TMTC2: variants seen among roughly 807,000 people sequenced by gnomAD.
TMTC2 encodes transmembrane O-mannosyltransferase targeting cadherins 2.
TMTC2 carries 43 observed loss-of-function variants against 82.4 expected under a neutral mutation model. The observed-to-expected ratio is 0.52, with a 90% confidence interval of 0.41 to 0.67. The LOEUF (loss-of-function observed/expected upper bound fraction) is 0.67, where lower values mean the gene tolerates loss of function less well. TMTC2 is among the 30% of genes least tolerant of loss of function. TMTC2 has a pLI of 0.00. For synonymous variants in TMTC2, 408 were observed against 381.9 expected (o/e 1.07, Z -0.80); for missense variants, 919 against 1,012.4 (o/e 0.91, Z 1.25).
intron 8 of TMTC2, among the ~76,000 whole-genome samples, chr12:83,025,711 C>T (rs1881138716): frequency 1.3e-5 from 2 of 152,294 alleles, no homozygotes; most frequent in African/African-American, 4.8e-5. Flanking sequence ...AACTTCTATA[C>T]AACATGACTA....
chr12:82,854,234 T>C (rs1871135299), intron 1 of TMTC2, among the ~76,000 whole-genome samples: 1 of 152,224 alleles, frequency 6.6e-6, no homozygotes, highest in South Asian at 2.1e-4. Context: ...TGTTACTAGT[T>C]AACACTCAAA....
chr12:82,948,878 C>A (rs186448848), intron 4 of TMTC2, among the ~76,000 whole-genome samples: 1 of 150,916 alleles, frequency 6.6e-6, no homozygotes, highest in African/African-American at 2.4e-5. Context: ...TTTTTCTTCC[C>A]TCTGCCTGAA....
At chr12:82,833,328 G>A (rs1248676998) in intron 1 of TMTC2, among the ~76,000 whole-genome samples, 2 of 152,164 alleles carry the variant, frequency 1.3e-5, no homozygotes, top group East Asian at 3.8e-4. Flanking sequence ...CAAGTGTTAA[G>A]AGCCTTATTG....
intron 8 of TMTC2, among the ~76,000 whole-genome samples, chr12:82,987,639 C>G (rs1455772249): frequency 6.6e-6 from 1 of 151,998 alleles, no homozygotes; most frequent in Non-Finnish European, 1.5e-5. Flanking sequence ...TCCTGCAGCT[C>G]ATCTGGGATT....
At chr12:83,047,225 G>T (rs900240073) in intron 9 of TMTC2, among the ~76,000 whole-genome samples, 2 of 152,100 alleles carry the variant, frequency 1.3e-5, no homozygotes, top group Non-Finnish European at 2.9e-5. Context: ...TGATGGGAGA[G>T]GGGTGATGTG....
intron 7 of TMTC2, among the ~76,000 whole-genome samples, chr12:82,971,701 A>G (rs1027692742): frequency 3.3e-5 from 5 of 152,064 alleles, no homozygotes; most frequent in African/African-American, 1.2e-4. Flanking sequence ...TCATGGTAAT[A>G]TATCTCGAGA....
intron 1 of TMTC2, among the ~76,000 whole-genome samples, chr12:82,700,149 T>G (rs1177767591): frequency 2.6e-5 from 4 of 152,174 alleles, no homozygotes; most frequent in Non-Finnish European, 5.9e-5. Flanking sequence ...TGACTGTACG[T>G]GCTAATGGTG....
Position 82,752,166 on chromosome 12 carries a change from TC to T in TMTC2, c.83+64498del, listed in dbSNP as rs1234575357. 3.1e-4 allele frequency among the ~76,000 whole-genome samples: 46 copies of T among 149,754 alleles called. 1 individual carries two copies. Among genetic ancestry groups the T allele is most frequent in the African/African-American group, 1.1e-3 (44 of 39,644 alleles). ...AAGCTCCTTTTTTTTTTTTTTTTTT[TC>T]TGAAGGCTTTCTCGTTGCTTATAAG... is the stretch of plus-strand genomic sequence containing the variant. On this transcript the variant is annotated intron_variant, in intron 1 of 11. Transcript: ENST00000321196.
chr12:82,972,887 T>C (rs548379465), intron 7 of TMTC2, among the ~76,000 whole-genome samples: 1 of 152,262 alleles, frequency 6.6e-6, no homozygotes, highest in South Asian at 2.1e-4. Context: ...GATTCTTCTG[T>C]GTGTGTATGT....
At chr12:82,811,033 C>G (rs1011956067) in intron 1 of TMTC2, among the ~76,000 whole-genome samples, 1 of 151,934 alleles carries the variant, frequency 6.6e-6, no homozygotes, top group Non-Finnish European at 1.5e-5. Context: ...AGATCGAGAC[C>G]ATCCTGGCTA....
chr12:82,771,936 T>G (rs988741689), intron 1 of TMTC2, among the ~76,000 whole-genome samples: 1 of 152,200 alleles, frequency 6.6e-6, no homozygotes, highest in African/African-American at 2.4e-5. Context: ...ATATTTGCAC[T>G]AGAATATGGG....
At chr12:83,112,500 G>A (rs978148435) in intron 11 of TMTC2, among the ~76,000 whole-genome samples, 1 of 152,158 alleles carries the variant, frequency 6.6e-6, no homozygotes, top group East Asian at 1.9e-4. Flanking sequence ...ATAGGCATTA[G>A]AGCATAGCTT....
intron 10 of TMTC2, among the ~76,000 whole-genome samples, chr12:83,059,036 TC>T (rs1882643898): frequency 6.6e-6 from 1 of 151,730 alleles, no homozygotes; most frequent in Admixed American, 6.6e-5. Context: ...AAATTTTCTG[TC>T]CCAAAAAAGA....
chr12:82,768,363 C>G (rs1368580131), intron 1 of TMTC2, among the ~76,000 whole-genome samples: 1 of 152,124 alleles, frequency 6.6e-6, no homozygotes, highest in East Asian at 1.9e-4. Flanking sequence ...CAGCATTTGA[C>G]AGAAAGAAAA....
At chr12:82,903,673 A>C (rs1242587581) in intron 3 of TMTC2, among the ~76,000 whole-genome samples, 2 of 152,172 alleles carry the variant, frequency 1.3e-5, no homozygotes, top group South Asian at 2.1e-4. Context: ...TCGGCCTCCC[A>C]AAGTGCCGGG....
At chr12:82,929,616 C>T (rs141474494) in intron 3 of TMTC2, among the ~76,000 whole-genome samples, 12 of 152,238 alleles carry the variant, frequency 7.9e-5, no homozygotes, top group African/African-American at 2.6e-4. Flanking sequence ...GACCCTTCTT[C>T]TCATCCTCAT....
At chr12:83,105,508 G>A (rs1421955689) in intron 11 of TMTC2, among the ~76,000 whole-genome samples, 1 of 152,202 alleles carries the variant, frequency 6.6e-6, no homozygotes, top group African/African-American at 2.4e-5. Flanking sequence ...AGCAGAAGAT[G>A]AAGCAGGAGT....
intron 1 of TMTC2, among the ~76,000 whole-genome samples, chr12:82,734,509 ATCTC>A (rs2136944852): frequency 6.6e-6 from 1 of 152,182 alleles, no homozygotes; most frequent in East Asian, 1.9e-4. Flanking sequence ...CTTGCTTTGA[ATCTC>A]TCTGACATCT....
rs370708643 is a variant in TMTC2, at chr12:82,793,898, A to G, written c.84-63112A>G. Among the ~76,000 whole-genome samples the G allele has an allele frequency of 1.2e-3, 188 of 152,312 alleles. 4 individuals carry two copies. The South Asian group carries it at 0.026, about 21-fold the overall frequency. The stretch of plus-strand genomic sequence containing the variant: ...ATTAGCATAGCTTACAATGTTCTTA[A>G]TAGGCTTATCTACTGTATATGCGAC... On this transcript the variant is annotated intron_variant, in intron 1 of 11. Transcript: ENST00000321196.
Sources: gnomAD v4.1 joint callset for allele counts (sites outside exome capture counted in the v4.1 genomes callset) on GRCh38, gnomAD v4.1.1 for gene constraint, MANE v1.5 for transcripts, NCBI Gene and HGNC (gene_info 2026-07-23, HGNC 2026-07-21) for gene names.